The following SMG1 variants were observed in gnomAD, a reference collection of about 807,000 sequenced individuals.
The protein encoded by SMG1 is SMG1 nonsense mediated mRNA decay associated PI3K related kinase.
Under a neutral mutation model 419.9 loss-of-function variants are expected in SMG1, and 22 were observed. That is an observed-to-expected ratio of 0.05 (90% CI 0.04 to 0.07). SMG1 has a LOEUF of 0.07. SMG1 is among the 10% of genes least tolerant of loss of function. SMG1 has a pLI of 1.00. For missense variants in SMG1, 3,185 were observed against 4,342.0 expected (o/e 0.73, Z 7.49); for synonymous variants, 1,538 against 1,553.5 (o/e 0.99, Z 0.23).
intron 22 of SMG1, among the ~76,000 whole-genome samples, chr16:18,867,870 A>G (rs1487742723): frequency 2.0e-5 from 3 of 151,502 alleles, no homozygotes; most frequent in Non-Finnish European, 4.4e-5. Context: ...CACCACGCCC[A>G]GCTAATTTTT....
At chr16:18,833,850 C>T (rs115880702) in intron 50 of SMG1, among the ~76,000 whole-genome samples, 41 of 152,294 alleles carry the variant, frequency 2.7e-4, no homozygotes, top group African/African-American at 9.9e-4. Flanking sequence ...TTTCTTTACT[C>T]AGCATAATTA....
chr16:18,840,058 T>A (rs1256832389), intron 41 of SMG1, 112 bp from the exon 42 acceptor site: 2 of 790,578 alleles, frequency 2.5e-6, no homozygotes, highest in Non-Finnish European at 4.0e-6. Context: ...AGTAGCATTC[T>A]CTCATTACTC....
At chr16:18,846,653 A>C (rs1409695799) in intron 38 of SMG1, among the ~76,000 whole-genome samples, 1 of 152,240 alleles carries the variant, frequency 6.6e-6, no homozygotes, top group Admixed American at 6.5e-5. Context: ...GGAAAATGCA[A>C]ATCAAAACCA....
In SMG1 at chr16:18,833,148, G is replaced by A. The variant is rs540679816; in HGVS notation, c.8584C>T (p.Arg2862Trp). ...TSLQELNSNF[R>W]QIIFPEALRC... is the part of the protein sequence containing the mutation. ...AGTGCTTCTGGAAATATGATTTGCC[G>A]GAAATTCGAATTCAATTCCTATAAA... is the stretch of plus-strand genomic sequence containing the variant. The change falls in exon 51 of 63, where the codon CGG becomes TGG. Residue 2862 changes from arginine (R) to tryptophan (W), a missense_variant. Arg to Trp is a moderately radical substitution (Grantham distance 101). Transcript: ENST00000446231. 25 of 1,613,410 alleles carry A rather than the reference G, an allele frequency of 1.5e-5. No individual in the cohort carries two copies. Among genetic ancestry groups the A allele is most frequent in the Admixed American group, 5.0e-5 (3 of 59,950 alleles).
chr16:18,862,364 C>A (rs1459471990), intron 25 of SMG1, among the ~76,000 whole-genome samples: 2 of 152,160 alleles, frequency 1.3e-5, no homozygotes, highest in African/African-American at 4.8e-5. Context: ...TCTTCAGAGG[C>A]TTCTCTCTGG....
chr16:18,860,388 ATATT>A (rs1359685272), intron 26 of SMG1, among the ~76,000 whole-genome samples: 2 of 152,216 alleles, frequency 1.3e-5, no homozygotes, highest in Non-Finnish European at 2.9e-5. Flanking sequence ...ATCAAGAAAA[ATATT>A]TAGCTGAAAC....
At position 18,836,391 on chromosome 16, in the gene SMG1, C is replaced by T. The variant is rs1173113282; in HGVS notation, c.7746G>A (p.Leu2582=). The change falls in exon 47 of 63, where the codon TTG becomes TTA. Residue 2582 remains leucine, a synonymous_variant. Transcript: ENST00000446231. ...NNLEATQLAS[L]LQEISTQMDL... The stretch of plus-strand genomic sequence containing the variant: ...CCATTTGTGTGCTTATCTCTTGAAG[C>T]AAGCTTGCAAGCTGTGTTGCTTCTA... 1 of 1,613,914 alleles carries T rather than the reference C, an allele frequency of 6.2e-7. No homozygotes were observed. The highest frequency in any genetic ancestry group is 1.3e-5 in the African/African-American group (1 of 75,056).
chr16:18,919,657 TAC>T (rs368125844), intron 1 of SMG1, among the ~76,000 whole-genome samples: 18,552 of 124,746 alleles, frequency 0.15, 1,356 homozygotes, highest in Middle Eastern at 0.2. Context: ...TGTGTATATA[TAC>T]ACACACACAC....
At chr16:18,849,163 A>C in intron 36 of SMG1, 54 bp downstream of exon 36, 1 of 1,321,922 alleles carries the variant, frequency 7.6e-7, no homozygotes, top group Non-Finnish European at 1.0e-6. Flanking sequence ...ACCTCACTAA[A>C]ATTATTGGCA....
chr16:18,905,813 T>C (rs1293235921), intron 1 of SMG1, among the ~76,000 whole-genome samples: 1 of 152,062 alleles, frequency 6.6e-6, no homozygotes, highest in Non-Finnish European at 1.5e-5. Context: ...GGTTTCACCA[T>C]GTTGGCCAGG....
At chr16:18,924,434 T>A (rs2142047463) in intron 1 of SMG1, among the ~76,000 whole-genome samples, 1 of 152,344 alleles carries the variant, frequency 6.6e-6, no homozygotes, top group South Asian at 2.1e-4. Flanking sequence ...TAAATTCTCT[T>A]ATATACTTAT....
Position 18,834,906 on chromosome 16 carries a change from A to G in SMG1, c.8316T>C (p.Leu2772=). Residue 2772 remains leucine, a synonymous_variant, in exon 49 of 63, where the codon CTT becomes CTC. Coordinates refer to ENST00000446231, the MANE Select transcript of SMG1 (RefSeq NM_015092.5). ...GGCTAACTTACCTTGTAAGGGTACA[A>G]AGGGCAGAAATAATAACACTTGCTA... ...LSLASVIISA[L]CTLTRRNLMM... is the part of the protein sequence containing the mutation. 4 of 1,613,938 alleles carry G rather than the reference A, an allele frequency of 2.5e-6. No homozygotes were observed. Among genetic ancestry groups the G allele is most frequent in the Non-Finnish European group, 3.4e-6 (4 of 1,179,812 alleles).
At chr16:18,828,972 T>C (rs1461706205) in intron 54 of SMG1, among the ~76,000 whole-genome samples, 2 of 149,246 alleles carry the variant, frequency 1.3e-5, no homozygotes, top group Non-Finnish European at 3.0e-5. Context: ...CACTCCAGTC[T>C]GGGCAAGAAG....
chr16:18,924,418 G>A (rs1025156434), intron 1 of SMG1, among the ~76,000 whole-genome samples: 6 of 152,112 alleles, frequency 3.9e-5, no homozygotes, highest in African/African-American at 1.4e-4. Flanking sequence ...TCTTCTAAAA[G>A]GTTACTAAAT....
chr16:18,846,899 T>A (rs1032415061), intron 38 of SMG1, among the ~76,000 whole-genome samples: 1 of 151,960 alleles, frequency 6.6e-6, no homozygotes, highest in Non-Finnish European at 1.5e-5. Flanking sequence ...TACATGAAAT[T>A]CACAAAAAAT....
intron 55 of SMG1, among the ~76,000 whole-genome samples, chr16:18,820,175 A>G (rs917849349): frequency 1.5e-4 from 23 of 152,108 alleles, no homozygotes; most frequent in African/African-American, 5.3e-4. Flanking sequence ...CATCTTGGCC[A>G]GGCTGGTCTT....
rs142827535 is a variant in SMG1 at position 18,873,794 on chromosome 16, C to G, written c.1891-1170G>C. Among the ~76,000 whole-genome samples the G allele has an allele frequency of 1.1e-3, 161 of 152,262 alleles. 2 individuals carry two copies. In the East Asian group the frequency reaches 0.017, roughly 16 times the overall value. On this transcript the variant is annotated intron_variant, in intron 13 of 62. Coordinates refer to ENST00000446231, the MANE Select transcript of SMG1 (RefSeq NM_015092.5). ...AAGGAAACAAAGGCACACCCTGCCA[C>G]TCTACACCTTTTCCATCCATCTTTT...
intron 38 of SMG1, among the ~76,000 whole-genome samples, chr16:18,846,056 C>T (rs1011080129): frequency 4.6e-5 from 7 of 151,980 alleles, no homozygotes; most frequent in East Asian, 1.9e-4. Flanking sequence ...CCTCGTGATC[C>T]GCCCGCCTCA....
chr16:18,894,505 AATATC>A (rs1235749386), intron 3 of SMG1, among the ~76,000 whole-genome samples: 1 of 152,154 alleles, frequency 6.6e-6, no homozygotes, highest in Non-Finnish European at 1.5e-5. Context: ...TAGCTTCTAT[AATATC>A]ATAAGTCTCA....
Sources: allele counts gnomAD v4.1 joint callset (sites outside exome capture counted in the v4.1 genomes callset), GRCh38; gene constraint gnomAD v4.1.1; transcripts MANE v1.5; gene names NCBI Gene and HGNC (gene_info 2026-07-23, HGNC 2026-07-21).